DYM: variants seen among roughly 807,000 people sequenced by gnomAD.
DYM encodes the protein dymeclin, also known as dyggve-Melchior-Clausen syndrome protein.
In DYM, 78 loss-of-function variants were observed where a neutral mutation model predicts 93.1. The observed-to-expected ratio is 0.84, with a 90% CI of 0.70 to 1.01. The LOEUF (loss-of-function observed/expected upper bound fraction) is 1.01. DYM is among the 50% of genes least tolerant of loss of function. The probability of loss-of-function intolerance (pLI) is 0.00; values close to 1 mark genes in which losing one functional copy is unlikely to be tolerated. For synonymous variants in DYM, 321 were observed against 319.7 expected, an observed-to-expected ratio of 1.00 and a Z score of -0.04; for missense variants, 789 against 845.0, an observed-to-expected ratio of 0.93 and a Z score of 0.82.
chr18:49,167,565 TA>T (rs1294591645), intron 14 of DYM, among the ~76,000 whole-genome samples: 1 of 152,190 alleles, frequency 6.6e-6, no homozygotes, highest in Non-Finnish European at 1.5e-5. Context: ...TTAACATTTT[TA>T]AGGCAAAATG....
chr18:49,046,386 ACAC>A lies in DYM; in HGVS notation c.2026-2185_2026-2183del, dbSNP rs753919919. ...AGACAACACAGACATGCACACACAC[ACAC>A]ACCACAGACAAAACACACAAGACAC... On this transcript the variant is annotated intron_variant, in intron 17 of 17. Transcript: ENST00000675505. Among the ~76,000 whole-genome samples the A allele has an allele frequency of 6.3e-4, 96 of 151,710 alleles. 1 individual carries two copies. The highest frequency in any genetic ancestry group is 5.6e-4 in the African/African-American group (23 of 41,338).
At chr18:49,397,459 A>C (rs2070245136) in intron 2 of DYM, among the ~76,000 whole-genome samples, 3 of 152,226 alleles carry the variant, frequency 2.0e-5, no homozygotes, top group Admixed American at 2.0e-4. Context: ...GAAGTCTGAG[A>C]AGAACAAGAA....
intron 16 of DYM, among the ~76,000 whole-genome samples, chr18:49,098,055 T>C (rs1443154589): frequency 6.6e-6 from 1 of 152,196 alleles, no homozygotes; most frequent in Non-Finnish European, 1.5e-5. Context: ...CTTCATGTTA[T>C]AGCACAGCCC....
rs1555734876 is a variant in DYM, at chr18:49,415,342, A to AAAAAT, written c.140+14912_140+14913insATTTT. On this transcript the variant is annotated intron_variant, in intron 2 of 17. Transcript: ENST00000675505. ...CTCTCAAAAAAAAAAAAAAAAAAAA[A>AAAAAT]TTAAAAAAATTTTAAAAATGAGAGA... Among the ~76,000 whole-genome samples, 1,039 of 144,200 alleles carry AAAAAT rather than the reference A, an allele frequency of 7.2e-3. 16 individuals carry two copies. The highest frequency in any genetic ancestry group is 0.024 in the African/African-American group (970 of 39,810). 94.6% of individuals were successfully genotyped at this position (144,200 alleles called of 152,430 possible). A position where few individuals can be genotyped will look rare whatever the true frequency, so the allele number is the denominator to read the frequency against.
At chr18:49,272,537 A>G (rs937463141) in intron 10 of DYM, among the ~76,000 whole-genome samples, 1 of 152,162 alleles carries the variant, frequency 6.6e-6, no homozygotes, top group African/African-American at 2.4e-5. Flanking sequence ...TCTAACCAAC[A>G]TAAAGGTTGG....
chr18:49,168,032 C>T (rs1236089427), intron 14 of DYM, among the ~76,000 whole-genome samples: 7 of 151,820 alleles, frequency 4.6e-5, no homozygotes, highest in African/African-American at 1.5e-4. Flanking sequence ...AAGCAGGAAT[C>T]CTTAGAAAAT....
chr18:49,183,224 A>T (rs376447973), intron 14 of DYM, among the ~76,000 whole-genome samples: 1 of 27,024 alleles, frequency 3.7e-5, no homozygotes, highest in African/African-American at 6.9e-5. Context: ...TTATTTGCAC[A>T]ACTAGTCTCT....
At position 49,325,250 on chromosome 18, in the gene DYM, T is replaced by C. The variant is rs182238861; in HGVS notation, c.763+6614A>G. Among the ~76,000 whole-genome samples, 7 of 152,350 alleles carry C rather than the reference T, an allele frequency of 4.6e-5. No individual in the cohort carries two copies. The East Asian group carries it at 1.2e-3, about 25-fold the overall frequency. On this transcript the variant is annotated intron_variant, in intron 8 of 17. Coordinates refer to ENST00000675505, the MANE Select transcript of DYM (RefSeq NM_001353214.3). The stretch of plus-strand genomic sequence containing the variant: ...GTTCCTTATTAACTCTAAAGTCTGC[T>C]GCCTGGAAAACCCAGGCTACTGACC...
At chr18:49,442,443 T>A (rs564233731) in intron 1 of DYM, among the ~76,000 whole-genome samples, 22 of 151,830 alleles carry the variant, frequency 1.4e-4, no homozygotes, top group Non-Finnish European at 2.8e-4. Flanking sequence ...TCCTGCTACT[T>A]GGGAGGCTGA....
At chr18:49,115,769 C>CATTCTTGGGTGAT (rs2081872558) in intron 16 of DYM, among the ~76,000 whole-genome samples, 1 of 152,162 alleles carries the variant, frequency 6.6e-6, no homozygotes, top group Non-Finnish European at 1.5e-5. Flanking sequence ...TTACAGTGCC[C>CATTCTTGGGTGAT]ATTCTTGGGT....
intron 13 of DYM, among the ~76,000 whole-genome samples, chr18:49,238,310 T>C (rs1211544201): frequency 6.6e-6 from 1 of 152,192 alleles, no homozygotes; most frequent in Non-Finnish European, 1.5e-5. Context: ...GATACCCTTT[T>C]AAGTAACCTT....
chr18:49,431,028 T>C (rs2080277314), intron 1 of DYM, among the ~76,000 whole-genome samples: 1 of 152,166 alleles, frequency 6.6e-6, no homozygotes, highest in Non-Finnish European at 1.5e-5. Context: ...AAAATCATAA[T>C]AATGGTAACT....
rs145824479 is a variant in DYM at position 49,179,491 on chromosome 18, G to C, written c.1626-15704C>G. Among the ~76,000 whole-genome samples, 14 of 152,100 alleles carry C rather than the reference G, an allele frequency of 9.2e-5. 1 individual carries two copies. The East Asian group carries it at 2.7e-3, about 29-fold the overall frequency. The stretch of plus-strand genomic sequence containing the variant: ...CAAACCATGTCACAACTTTTGACTT[G>C]GAATATATAGTTACCACACAATATA... On this transcript the variant is annotated intron_variant, in intron 14 of 17. Transcript: ENST00000675505.
intron 14 of DYM, among the ~76,000 whole-genome samples, chr18:49,196,624 A>G (rs2091476802): frequency 6.6e-6 from 1 of 152,166 alleles, no homozygotes; most frequent in Admixed American, 6.5e-5. Context: ...AAATGTAAGA[A>G]AATATGGAGA....
intron 13 of DYM, among the ~76,000 whole-genome samples, chr18:49,236,253 G>C (rs931707238): frequency 6.6e-6 from 1 of 152,098 alleles, no homozygotes; most frequent in Non-Finnish European, 1.5e-5. Flanking sequence ...GGCTGAGATG[G>C]GCGGATCACC....
At chr18:49,325,816 G>T (rs1428963000) in intron 8 of DYM, among the ~76,000 whole-genome samples, 2 of 152,152 alleles carry the variant, frequency 1.3e-5, no homozygotes, top group Non-Finnish European at 2.9e-5. Context: ...CTCATTGTCA[G>T]ATTTATCCTG....
chr18:49,413,277 C>T (rs978246618), intron 2 of DYM: 1 of 152,136 alleles, frequency 6.6e-6, no homozygotes, highest in African/African-American at 2.4e-5. Flanking sequence ...AGACAACCTT[C>T]CTAGGCCTCA....
At chr18:49,424,956 T>A (rs1314215809) in intron 2 of DYM, among the ~76,000 whole-genome samples, 1 of 152,038 alleles carries the variant, frequency 6.6e-6, no homozygotes, top group African/African-American at 2.4e-5. Context: ...ATCGTGAAAA[T>A]GGCCATACTG....
rs558682229 is a variant in DYM, at chr18:49,218,017, G to A, written c.1461-8302C>T. Among the ~76,000 whole-genome samples the A allele has an allele frequency of 1.8e-4, 27 of 152,054 alleles. No individual in the cohort carries two copies. In the South Asian group the frequency reaches 2.3e-3, roughly 13 times the overall value. On this transcript the variant is annotated intron_variant, in intron 13 of 17. Coordinates refer to ENST00000675505, the MANE Select transcript of DYM (RefSeq NM_001353214.3). ...GCTGTATTCAGGAAACCCATCTCAC[G>A]TGCAGAGACACAAATAGGCTCAAAA...
Sources: allele counts gnomAD v4.1 joint callset (sites outside exome capture counted in the v4.1 genomes callset), GRCh38; gene constraint gnomAD v4.1.1; transcripts MANE v1.5; gene names NCBI Gene and HGNC (gene_info 2026-07-23, HGNC 2026-07-21).